CHIC2: variants seen among roughly 807,000 people sequenced by gnomAD.
CHIC2 encodes cysteine rich hydrophobic domain 2, also known as cysteine-rich hydrophobic domain-containing protein 2.
In CHIC2, 14 loss-of-function variants were observed where a neutral mutation model predicts 25.9. The observed-to-expected ratio is 0.54, with a 90% confidence interval of 0.36 to 0.85. The LOEUF (loss-of-function observed/expected upper bound fraction) is 0.85, where lower values mean the gene tolerates loss of function less well. CHIC2 is among the 40% of genes least tolerant of loss of function. The pLI is 0.01. For missense variants in CHIC2, 146 were observed against 202.0 expected (o/e 0.72, Z 1.68); for synonymous variants, 70 against 72.0 (o/e 0.97, Z 0.14).
At chr4:54,088,945 G>C in the CHIC2 span, among the ~76,000 whole-genome samples, 1 of 152,182 alleles carries the variant, frequency 6.6e-6, no homozygotes, top group Non-Finnish European at 1.5e-5. Context: ...CCAGAAGATG[G>C]AGGTGCCAGC....
chr4:54,045,887 A>G (rs1219890954), intron 3 of CHIC2, among the ~76,000 whole-genome samples: 1 of 151,594 alleles, frequency 6.6e-6, no homozygotes, highest in East Asian at 1.9e-4. Flanking sequence ...ACATGATTGT[A>G]TATCTAGAAA....
chr4:54,076,350 C>G, the CHIC2 span, among the ~76,000 whole-genome samples: 1 of 151,684 alleles, frequency 6.6e-6, no homozygotes, highest in African/African-American at 2.4e-5. Flanking sequence ...TCAGATGGCC[C>G]CTAAAAGCTG....
At chr4:54,023,628 T>C (rs372501003) in intron 3 of CHIC2, among the ~76,000 whole-genome samples, 6 of 152,302 alleles carry the variant, frequency 3.9e-5, no homozygotes, top group East Asian at 3.9e-4. Flanking sequence ...AGTTTATTGA[T>C]GGCAGTTCCA....
intron 3 of CHIC2, among the ~76,000 whole-genome samples, chr4:54,044,004 C>T (rs1479678706): frequency 6.6e-6 from 1 of 152,084 alleles, no homozygotes; most frequent in Non-Finnish European, 1.5e-5. Flanking sequence ...GGTTGCAATC[C>T]TAGTCTCGGA....
intron 3 of CHIC2, among the ~76,000 whole-genome samples, chr4:54,019,829 T>G (rs751259629): frequency 3.3e-5 from 5 of 152,080 alleles, no homozygotes; most frequent in Non-Finnish European, 5.9e-5. Context: ...AAAATGCGCT[T>G]GGGTTGGGGC....
intron 3 of CHIC2, among the ~76,000 whole-genome samples, chr4:54,047,052 T>C (rs1716850985): frequency 6.6e-6 from 1 of 152,182 alleles, no homozygotes; most frequent in South Asian, 2.1e-4. Context: ...GAAAAAATGC[T>C]CATCATCACT....
the CHIC2 span, among the ~76,000 whole-genome samples, chr4:54,088,179 G>A: frequency 2.0e-5 from 3 of 152,030 alleles, no homozygotes; most frequent in Non-Finnish European, 4.4e-5. Context: ...AAAAACCCAT[G>A]CATTTGTTCT....
intron 1 of CHIC2, among the ~76,000 whole-genome samples, chr4:54,056,459 T>C (rs1717179414): frequency 6.6e-6 from 1 of 152,134 alleles, no homozygotes; most frequent in Admixed American, 6.5e-5. Flanking sequence ...AAATACTCAT[T>C]TCAAGTAACA....
the CHIC2 span, among the ~76,000 whole-genome samples, chr4:54,088,020 T>C: frequency 1.1e-4 from 17 of 152,290 alleles, no homozygotes; most frequent in African/African-American, 4.1e-4. Context: ...AAATATTCAG[T>C]GGAACATTTT....
chr4:54,081,358 T>C, the CHIC2 span, among the ~76,000 whole-genome samples: 22 of 152,136 alleles, frequency 1.4e-4, no homozygotes, highest in African/African-American at 4.6e-4. Flanking sequence ...TTAATCTTTA[T>C]TGTGATAGTT....
chr4:54,031,961 T>A (rs974844185), intron 3 of CHIC2, among the ~76,000 whole-genome samples: 2 of 152,018 alleles, frequency 1.3e-5, no homozygotes, highest in African/African-American at 4.8e-5. Flanking sequence ...AAGAAGGGTT[T>A]AGAGTGAGTG....
At chr4:54,048,886 A>C (rs1309149700) in intron 3 of CHIC2, 69 bp downstream of exon 3, 18 of 1,289,078 alleles carry the variant, frequency 1.4e-5, no homozygotes, top group Non-Finnish European at 1.8e-5. Context: ...ACAAAAAATA[A>C]AAACTAGATA....
At chr4:54,065,209 A>C, upstream of CHIC2, 1 of 580,448 alleles carries the variant, frequency 1.7e-6, no homozygotes, top group Non-Finnish European at 2.2e-6. Context: ...CTTAAGTATA[A>C]TCCAATATAT....
chr4:54,013,351 T>C (rs1715644892), intron 5 of CHIC2, among the ~76,000 whole-genome samples: 1 of 152,132 alleles, frequency 6.6e-6, no homozygotes. Flanking sequence ...TACAAAGCAG[T>C]ATTCTAATAA....
At chr4:54,017,824 C>A (rs560400108) in intron 3 of CHIC2, among the ~76,000 whole-genome samples, 1 of 151,980 alleles carries the variant, frequency 6.6e-6, no homozygotes, top group East Asian at 1.9e-4. Context: ...TTTAAAAAAA[C>A]AAAAACAAAA....
At chr4:54,076,815 G>A in the CHIC2 span, 4 of 152,244 alleles carry the variant, frequency 2.6e-5, no homozygotes, top group African/African-American at 9.6e-5. Flanking sequence ...TTGAGGAGGT[G>A]AAGAGGGCTG....
At chr4:54,022,010 A>G (rs553512945) in intron 3 of CHIC2, among the ~76,000 whole-genome samples, 82 of 152,260 alleles carry the variant, frequency 5.4e-4, no homozygotes, top group African/African-American at 1.8e-3. Flanking sequence ...CCAGCACACA[A>G]GAACTCCAAA....
Position 54,013,980 on chromosome 4 carries a change from A to G in CHIC2, c.387+83T>C. On this transcript the variant is annotated intron_variant, in intron 4 of 5. Coordinates refer to ENST00000263921, the MANE Select transcript of CHIC2 (RefSeq NM_012110.4). ...ACTAACCCATTTGTCCACCTTTCAT[A>G]TTTTTAGTTCAACAAAAGCATCTGT... The G allele has an allele frequency of 1.9e-6, 3 of 1,597,508 alleles. No homozygotes were observed. In the South Asian group the frequency reaches 3.3e-5, roughly 18 times the overall value.
At chr4:54,087,734 C>G in the CHIC2 span, 1 of 515,788 alleles carries the variant, frequency 1.9e-6, no homozygotes, top group East Asian at 3.2e-5. Context: ...TCTCTTTTTA[C>G]TGGCGGTGAT....
Sources: allele counts gnomAD v4.1 joint callset (sites outside exome capture counted in the v4.1 genomes callset), GRCh38; gene constraint gnomAD v4.1.1; transcripts MANE v1.5; gene names NCBI Gene and HGNC (gene_info 2026-07-23, HGNC 2026-07-21).